Variants in PCBP3 observed in about 807,000 individuals in gnomAD.
PCBP3 encodes poly(rC)-binding protein 3.
Under a neutral mutation model 52.7 loss-of-function variants are expected in PCBP3, and 25 were observed. The observed-to-expected ratio is 0.47, with a 90% CI of 0.35 to 0.66. The LOEUF (loss-of-function observed/expected upper bound fraction) is 0.66, where lower values mean the gene tolerates loss of function less well. Ranked by LOEUF, PCBP3 falls within the 30% of genes least tolerant of loss-of-function variation. The pLI is 0.01. For missense variants in PCBP3, 391 were observed against 490.3 expected (o/e 0.80, Z 1.91); for synonymous variants, 162 against 183.0 (o/e 0.89, Z 0.93).
chr21:45,714,255 A>T (rs373301218), intron 2 of PCBP3, among the ~76,000 whole-genome samples: 1 of 152,162 alleles, frequency 6.6e-6, no homozygotes, highest in Non-Finnish European at 1.5e-5. Flanking sequence ...CTCAGTGCTT[A>T]TTTGACATTT....
intron 4 of PCBP3, among the ~76,000 whole-genome samples, chr21:45,838,988 G>C (rs2093646205): frequency 6.6e-6 from 1 of 152,086 alleles, no homozygotes; most frequent in Admixed American, 6.6e-5. Context: ...TCTCCTGTAA[G>C]TAGCTTTTAA....
intron 2 of PCBP3, among the ~76,000 whole-genome samples, chr21:45,707,178 G>C (rs751730171): frequency 2.6e-5 from 4 of 152,140 alleles, no homozygotes; most frequent in Non-Finnish European, 5.9e-5. Context: ...ATCTAGGTCA[G>C]TGCTTCTGAA....
chr21:45,693,235 T>C (rs1316472928), intron 2 of PCBP3, among the ~76,000 whole-genome samples: 2 of 152,178 alleles, frequency 1.3e-5, no homozygotes, highest in Admixed American at 6.5e-5. Flanking sequence ...AAGGCAAGGA[T>C]GTCTACTCTT....
At chr21:45,906,752 G>A (rs2839050) in intron 9 of PCBP3, among the ~76,000 whole-genome samples, 121,906 of 152,110 alleles carry the variant, frequency 0.8, 49,595 homozygotes, top group East Asian at 1. Flanking sequence ...TACATTTAAG[G>A]TGCCATCCCG....
intron 5 of PCBP3, among the ~76,000 whole-genome samples, chr21:45,862,940 A>T (rs1199647400): frequency 6.6e-6 from 1 of 152,148 alleles, no homozygotes; most frequent in Non-Finnish European, 1.5e-5. Context: ...GCCTAGTTTG[A>T]TGGGTGGAGC....
At chr21:45,651,319 C>T (rs544429285) in intron 1 of PCBP3, among the ~76,000 whole-genome samples, 19 of 151,010 alleles carry the variant, frequency 1.3e-4, no homozygotes, top group African/African-American at 3.5e-4. Context: ...TTTTATACAA[C>T]GTTTTTTCTA....
chr21:45,697,743 A>C (rs2082871211), intron 2 of PCBP3, among the ~76,000 whole-genome samples: 1 of 138,172 alleles, frequency 7.2e-6, no homozygotes, highest in Admixed American at 7.3e-5. Context: ...CAACAGAGGG[A>C]GACCCTGTCT....
At position 45,782,884 on chromosome 21, in the gene PCBP3, T is replaced by C. The variant is rs548376654; in HGVS notation, c.-126+27432T>C. The stretch of plus-strand genomic sequence containing the variant: ...GTGGTGGGCACAGCATACACTTCTC[T>C]GTGAGGCATGTCGCTGAGTGGAACT... On this transcript the variant is annotated intron_variant, in intron 4 of 17. Transcript: ENST00000681687. 3.9e-5 allele frequency among the ~76,000 whole-genome samples: 6 copies of C among 152,368 alleles called. No homozygotes were observed. In the East Asian group the frequency reaches 1.2e-3, roughly 29 times the overall value.
Position 45,914,008 on chromosome 21 carries a change from A to T in PCBP3, c.658A>T (p.Ile220Phe), listed in dbSNP as rs768716358. Residue 220 changes from isoleucine to phenylalanine, a missense_variant, in exon 12 of 18, where the codon ATT (isoleucine) becomes TTT (phenylalanine). Transcript: ENST00000681687. ...YRPKPASTPVIFAGGQAYTIQ... is the reference protein window; with the variant it reads ...YRPKPASTPVFFAGGQAYTIQ... ...CCCAAAGCCCGCCTCCACCCCTGTC[A>T]TTTTTGCAGGTGGTCAGGTAAGAGC... 1 of 1,613,352 alleles carries T rather than the reference A, an allele frequency of 6.2e-7. No homozygotes were observed. The highest frequency in any genetic ancestry group is 8.5e-7 in the Non-Finnish European group (1 of 1,179,778).
At chr21:45,914,445 A>G in intron 12 of PCBP3, 1 of 366,430 alleles carries the variant, frequency 2.7e-6, no homozygotes, top group Non-Finnish European at 4.9e-6. Context: ...ATGTGCTTGT[A>G]GCAGGGACGT....
intron 4 of PCBP3, among the ~76,000 whole-genome samples, chr21:45,814,828 GTGAGTGGTGAA>G (rs1333856174): frequency 1.6e-5 from 2 of 128,924 alleles, no homozygotes; most frequent in Non-Finnish European, 3.3e-5. Flanking sequence ...TGAGTGGTGA[GTGAGTGGTGAA>G]TGATGAGTGA....
chr21:45,887,616 G>A (rs377374997), intron 5 of PCBP3, among the ~76,000 whole-genome samples: 13 of 152,386 alleles, frequency 8.5e-5, no homozygotes, highest in South Asian at 2.1e-4. Context: ...CTGTGCACAC[G>A]TTGGTGTTGG....
Position 45,704,093 on chromosome 21 carries a change from A to G in PCBP3, c.-199-31299A>G, listed in dbSNP as rs1016661142. Among the ~76,000 whole-genome samples, 1 of 152,198 alleles carries G rather than the reference A, an allele frequency of 6.6e-6. No homozygotes were observed. The highest frequency in any genetic ancestry group is 1.5e-5 in the Non-Finnish European group (1 of 68,030). ...GCCCTCTGGCTGATGTCAAGAGGTC[A>G]GAAGGGAAGACACGTTTATCTTGAG... On this transcript the variant is annotated intron_variant, in intron 2 of 17. Transcript: ENST00000681687. This position sits in a 1 kb window ranked among gnomAD's most constrained non-coding sequence, Gnocchi z 4.1.
intron 3 of PCBP3, among the ~76,000 whole-genome samples, chr21:45,745,324 A>T (rs1235672064): frequency 6.6e-6 from 1 of 152,140 alleles, no homozygotes; most frequent in East Asian, 1.9e-4. Context: ...CTGTGGAAAT[A>T]CAGAGCTTCC....
chr21:45,941,697 C>T lies in PCBP3; in HGVS notation c.1107C>T (p.Gly369=), dbSNP rs370899830. Residue 369 remains glycine, a synonymous_variant, in exon 18 of 18, where the codon GGC becomes GGT. Transcript: ENST00000681687. ...TGACGTCCGAGGTCACCGGGATGGG[C>T]ACGCTGTAATCCTACCCAGCACCCT... ...ARLTSEVTGM[G]TL is the part of the protein sequence containing the mutation. 8.7e-6 allele frequency: 14 copies of T among 1,606,444 alleles called. No individual in the cohort carries two copies. In the African/African-American group the frequency reaches 1.5e-4, roughly 17 times the overall value.
intron 5 of PCBP3, among the ~76,000 whole-genome samples, chr21:45,893,425 T>C (rs59090517): frequency 0.027 from 4,108 of 151,932 alleles, 118 homozygotes; most frequent in East Asian, 0.11. Context: ...TCAGGAGTCG[T>C]GCTGGTCACA....
intron 5 of PCBP3, among the ~76,000 whole-genome samples, chr21:45,856,446 C>T (rs938316779): frequency 6.6e-6 from 1 of 152,160 alleles, no homozygotes; most frequent in Non-Finnish European, 1.5e-5. Flanking sequence ...AATGTGATCC[C>T]GAGTGTTGGA....
chr21:45,909,946 T>TCCCAGATACGGACCCCCCCCCACCCACTG (rs2096320813), intron 10 of PCBP3, among the ~76,000 whole-genome samples: 2 of 22,654 alleles, frequency 8.8e-5, no homozygotes, highest in African/African-American at 3.9e-4. Flanking sequence ...CCAACCCACT[T>TCCCAGATACGGACCCCCCCCCACCCACTG]CCCAGATACG....
chr21:45,866,826 C>T (rs2094748953), intron 5 of PCBP3, among the ~76,000 whole-genome samples: 1 of 152,212 alleles, frequency 6.6e-6, no homozygotes, highest in African/African-American at 2.4e-5. Context: ...CCCACCCCAC[C>T]CCCGTCTGCA....
Sources: allele counts gnomAD v4.1 joint callset (sites outside exome capture counted in the v4.1 genomes callset), GRCh38; gene constraint gnomAD v4.1.1; non-coding constraint Gnocchi (gnomAD v3.1); transcripts MANE v1.5; gene names NCBI Gene and HGNC (gene_info 2026-07-23, HGNC 2026-07-21).